The following CDC42EP4 variants were observed in gnomAD, a reference collection of about 807,000 sequenced individuals.
The protein encoded by CDC42EP4 is CDC42 effector protein 4, also known as CDC42 effector protein (Rho GTPase binding) 4.
In CDC42EP4, 6 loss-of-function variants were observed where a neutral mutation model predicts 5.6. The ratio of observed to expected loss-of-function variants is 1.07; its 90% CI spans 0.59 to 2.12. CDC42EP4 has a LOEUF of 2.12. Among genes scored for constraint, CDC42EP4 ranks in the 30% most tolerant of loss-of-function variants. The pLI is 0.00. For missense variants in CDC42EP4, 490 were observed against 508.6 expected, an observed-to-expected ratio of 0.96 and a Z score of 0.35; for synonymous variants, 230 against 224.2, an observed-to-expected ratio of 1.03 and a Z score of -0.23.
intron 1 of CDC42EP4, among the ~76,000 whole-genome samples, chr17:73,290,631 A>G (rs7212637): frequency 0.5 from 75,462 of 152,072 alleles, 18,932 homozygotes; most frequent in Middle Eastern, 0.6. Context: ...GTTGAGAAAC[A>G]GCAGCCTTGA....
chr17:73,303,606 G>A (rs1245310156), intron 1 of CDC42EP4, among the ~76,000 whole-genome samples: 1 of 149,134 alleles, frequency 6.7e-6, no homozygotes, highest in Non-Finnish European at 1.5e-5. Flanking sequence ...AGGTTGCAGT[G>A]AGATGAGATC....
chr17:73,287,010 G>A lies in CDC42EP4; in HGVS notation c.-112-398C>T, dbSNP rs371494491. ...AGGGAAGAGATGGAGTCTATGAGTT[G>A]GCTCCTATGAACAGTCAGCCTGGAG... On this transcript the variant is annotated intron_variant, in intron 1 of 1. Coordinates refer to ENST00000335793, the MANE Select transcript of CDC42EP4 (RefSeq NM_012121.5). Among the ~76,000 whole-genome samples the A allele has an allele frequency of 1.1e-4, 16 of 152,332 alleles. No individual in the cohort carries two copies. The East Asian group carries it at 2.7e-3, about 26-fold the overall frequency.
At chr17:73,293,932 T>C (rs1300836136) in intron 1 of CDC42EP4, among the ~76,000 whole-genome samples, 1 of 152,234 alleles carries the variant, frequency 6.6e-6, no homozygotes, top group Non-Finnish European at 1.5e-5. Flanking sequence ...TTTAGTATTC[T>C]TGGGGATCTT....
At chr17:73,291,283 G>A (rs979005590) in intron 1 of CDC42EP4, among the ~76,000 whole-genome samples, 4 of 152,144 alleles carry the variant, frequency 2.6e-5, no homozygotes, top group Admixed American at 2.0e-4. Flanking sequence ...AGGGAGTCAC[G>A]CATCTGTCCC....
Position 73,286,370 on chromosome 17 carries a change from C to T in CDC42EP4, c.131G>A (p.Gly44Glu). The change falls in exon 2 of 2, where the codon GGA (glycine) becomes GAA (glutamate). Residue 44 changes from glycine to glutamate, a missense_variant. Coordinates refer to ENST00000335793, the MANE Select transcript of CDC42EP4 (RefSeq NM_012121.5). The surrounding 1 kb of genome is among the most constrained non-coding windows in gnomAD (Gnocchi z 7.7). ...FRHTMHVGRA[G>E]DAFGDTSFLN... ...GAAGGAGGTGTCCCCAAAGGCGTCT[C>T]CGGCCCGGCCAACGTGCATGGTGTG... 6.2e-7 allele frequency: 1 copy of T among 1,614,096 alleles called. No homozygotes were observed. The highest frequency in any genetic ancestry group is 8.5e-7 in the Non-Finnish European group (1 of 1,180,038).
chr17:73,304,395 C>T (rs780452409), intron 1 of CDC42EP4, among the ~76,000 whole-genome samples: 1 of 151,924 alleles, frequency 6.6e-6, no homozygotes, highest in African/African-American at 2.4e-5. Flanking sequence ...CATCCTCCTA[C>T]CTCTGCTTCC....
rs1307643101 is a variant in CDC42EP4, at chr17:73,286,888, A to G, written c.-112-276T>C. 3 of 193,230 alleles carry G rather than the reference A, an allele frequency of 1.6e-5. No homozygotes were observed. The highest frequency in any genetic ancestry group is 3.2e-5 in the Non-Finnish European group (3 of 93,242). 12.0% of individuals were successfully genotyped at this position (193,230 alleles called of 1,614,324 possible). ...GACAGAACCTTTCTTGCAGAAGACA[A>G]TGCCTCCCCTGCCCCTGCAAGCCAG... On this transcript the variant is annotated intron_variant, in intron 1 of 1. Coordinates refer to ENST00000335793, the MANE Select transcript of CDC42EP4 (RefSeq NM_012121.5). The surrounding 1 kb of genome is among the most constrained non-coding windows in gnomAD (Gnocchi z 7.7).
rs1414698709 is a variant in CDC42EP4 at position 73,296,997 on chromosome 17, A to AC, written c.-112-10386_-112-10385insG. ...CTCCGTCTCAAAAAAAAAAAAAAAA[A>AC]AAAAAAATACACAAGGCCAAGCGCC... is the stretch of plus-strand genomic sequence containing the variant. On this transcript the variant is annotated intron_variant, in intron 1 of 1. Coordinates refer to ENST00000335793, the MANE Select transcript of CDC42EP4 (RefSeq NM_012121.5). 7.0e-5 allele frequency among the ~76,000 whole-genome samples: 9 copies of AC among 129,408 alleles called. 2 individuals carry two copies. The South Asian group carries it at 1.0e-3, about 15-fold the overall frequency. The allele number at this position is 129,408 out of a possible 152,430, so 84.9% of individuals were successfully genotyped here.
intron 1 of CDC42EP4, among the ~76,000 whole-genome samples, chr17:73,308,512 G>A (rs1340729223): frequency 3.3e-5 from 5 of 152,200 alleles, no homozygotes; most frequent in Non-Finnish European, 7.3e-5. Flanking sequence ...CTAACCAAGT[G>A]CAACCCTGAC....
In CDC42EP4 at chr17:73,297,000, A is replaced by AC. The variant is rs1330209132; in HGVS notation, c.-112-10389_-112-10388insG. Among the ~76,000 whole-genome samples the AC allele has an allele frequency of 1.8e-4, 24 of 136,786 alleles. 5 individuals are homozygous for AC. The highest frequency in any genetic ancestry group is 2.7e-4 in the Non-Finnish European group (17 of 62,382). The allele number at this position is 136,786 out of a possible 152,430, so 89.7% of individuals were successfully genotyped here. A position where few individuals can be genotyped will look rare whatever the true frequency, so the allele number is the denominator to read the frequency against. On this transcript the variant is annotated intron_variant, in intron 1 of 1. Transcript: ENST00000335793. ...CGTCTCAAAAAAAAAAAAAAAAAAA[A>AC]AAAATACACAAGGCCAAGCGCCGTG...
At chr17:73,298,241 C>A (rs572189781) in intron 1 of CDC42EP4, among the ~76,000 whole-genome samples, 4 of 152,124 alleles carry the variant, frequency 2.6e-5, no homozygotes, top group African/African-American at 9.7e-5. Flanking sequence ...TTTATTAGGT[C>A]CTTGTTTTAT....
At chr17:73,297,788 A>T (rs1435389781) in intron 1 of CDC42EP4, among the ~76,000 whole-genome samples, 1 of 151,818 alleles carries the variant, frequency 6.6e-6, no homozygotes, top group Non-Finnish European at 1.5e-5. Context: ...CCTCCCAAGT[A>T]GCTGGGATTA....
chr17:73,309,093 C>G (rs1314424427), intron 1 of CDC42EP4, among the ~76,000 whole-genome samples: 1 of 141,546 alleles, frequency 7.1e-6, no homozygotes, highest in South Asian at 2.2e-4. Context: ...TACCTGTATG[C>G]CCAGCACTTT....
In CDC42EP4 at chr17:73,293,840, G is replaced by A. The variant is rs7221902; in HGVS notation, c.-112-7228C>T. Among the ~76,000 whole-genome samples, 178 of 152,290 alleles carry A rather than the reference G, an allele frequency of 1.2e-3. 1 individual carries two copies. Among genetic ancestry groups the A allele is most frequent in the African/African-American group, 4.0e-3 (167 of 41,562 alleles). ...GCTGAGGGCAGCTAAGTGAATGGGC[G>A]AGAACAGTGACCGCTTAGATACACG... On this transcript the variant is annotated intron_variant, in intron 1 of 1. Coordinates refer to ENST00000335793, the MANE Select transcript of CDC42EP4 (RefSeq NM_012121.5).
rs553702426 is a variant in CDC42EP4 at position 73,303,048 on chromosome 17, A to T, written c.-113+8845T>A. ...GACAGCATCAGACTCCGTCTCAAAAAAAAAAAGATAATTGGCCAGGCGCGG... is the reference window on the plus strand; with the variant it reads ...GACAGCATCAGACTCCGTCTCAAAATAAAAAAGATAATTGGCCAGGCGCGG... On this transcript the variant is annotated intron_variant, in intron 1 of 1. Coordinates refer to ENST00000335793, the MANE Select transcript of CDC42EP4 (RefSeq NM_012121.5). 2.0e-5 allele frequency among the ~76,000 whole-genome samples: 3 copies of T among 148,526 alleles called. No individual in the cohort carries two copies. The South Asian group carries it at 6.4e-4, about 32-fold the overall frequency.
chr17:73,296,393 G>A (rs543414004), intron 1 of CDC42EP4, among the ~76,000 whole-genome samples: 5 of 142,264 alleles, frequency 3.5e-5, no homozygotes, highest in Non-Finnish European at 6.0e-5. Flanking sequence ...ACTCCAGCCT[G>A]GGCAACAGAG....
In CDC42EP4 at chr17:73,285,442, T is replaced by C. The variant is rs767437159; in HGVS notation, c.1059A>G (p.Glu353=). Residue 353 remains glutamate (E), a synonymous_variant, in exon 2 of 2, where the codon GAA becomes GAG. Coordinates refer to ENST00000335793, the MANE Select transcript of CDC42EP4 (RefSeq NM_012121.5). This position sits in a 1 kb window ranked among gnomAD's most constrained non-coding sequence, Gnocchi z 6.8. ...CCCACTGTCCGCCTCACACACGGAT[T>C]TCATCCTCCTCCTCCTCATCCATGA... The part of the protein sequence containing the change: ...FSFMDEEEED[E]IRV The C allele has an allele frequency of 1.9e-6, 3 of 1,553,418 alleles. No homozygotes were observed. The highest frequency in any genetic ancestry group is 1.2e-5 in the South Asian group (1 of 83,738).
At position 73,286,520 on chromosome 17, in the gene CDC42EP4, G is replaced by A. The variant is rs779328295; in HGVS notation, c.-20C>T. The A allele has an allele frequency of 7.7e-6, 12 of 1,558,910 alleles. No individual in the cohort carries two copies. Among genetic ancestry groups the A allele is most frequent in the African/African-American group, 1.4e-5 (1 of 73,872 alleles). ...TGGCATCTTGCTGGATGGGCGGGGA[G>A]GTGGGCCCTCCCGAGGTAGCCGGCA... On this transcript the variant is annotated 5_prime_UTR_variant, in exon 2 of 2. Transcript: ENST00000335793. This position sits in a 1 kb window ranked among gnomAD's most constrained non-coding sequence, Gnocchi z 7.7.
intron 1 of CDC42EP4, among the ~76,000 whole-genome samples, chr17:73,303,226 C>G (rs1368435693): frequency 6.6e-6 from 1 of 151,822 alleles, no homozygotes; most frequent in African/African-American, 2.4e-5. Context: ...GCCTGTAATC[C>G]TAGCTACTCG....
Sources: allele counts gnomAD v4.1 joint callset (sites outside exome capture counted in the v4.1 genomes callset), GRCh38; gene constraint gnomAD v4.1.1; non-coding constraint Gnocchi (gnomAD v3.1); transcripts MANE v1.5; gene names NCBI Gene and HGNC (gene_info 2026-07-23, HGNC 2026-07-21).